Variants in CENPP observed in about 807,000 individuals in gnomAD.
The protein encoded by CENPP is centromere protein P.
CENPP carries 24 observed loss-of-function variants against 35.6 expected under a neutral mutation model. The observed-to-expected ratio is 0.67, with a 90% CI of 0.49 to 0.95. The LOEUF (loss-of-function observed/expected upper bound fraction) is 0.95. Among genes scored for constraint, CENPP ranks in the 40% least tolerant of loss-of-function variants. CENPP has a pLI of 0.00. For missense variants in CENPP, 332 were observed against 345.3 expected (o/e 0.96, Z 0.31); for synonymous variants, 120 against 125.5 (o/e 0.96, Z 0.29).
intron 4 of CENPP, among the ~76,000 whole-genome samples, chr9:92,365,214 A>G (rs1564280134): frequency 6.6e-6 from 1 of 152,082 alleles, no homozygotes; most frequent in African/African-American, 2.4e-5. Context: ...GAAAATAAAC[A>G]AGGATGGGCT....
chr9:92,418,385 C>T (rs1843685639), intron 5 of CENPP, among the ~76,000 whole-genome samples: 1 of 151,652 alleles, frequency 6.6e-6, no homozygotes, highest in African/African-American at 2.4e-5. Flanking sequence ...CTGCGCCTGG[C>T]CGAGATTTTT....
chr9:92,451,447 T>C (rs1266645617), intron 5 of CENPP, among the ~76,000 whole-genome samples: 2 of 149,198 alleles, frequency 1.3e-5, no homozygotes, highest in African/African-American at 4.9e-5. Flanking sequence ...TTCTGTTCCA[T>C]TGATCTATAT....
chr9:92,392,170 T>C (rs1220211617), intron 5 of CENPP, among the ~76,000 whole-genome samples: 1 of 152,098 alleles, frequency 6.6e-6, no homozygotes, highest in Non-Finnish European at 1.5e-5. Context: ...AAGTTCAAGA[T>C]TGATAATGAC....
At chr9:92,376,561 A>G (rs1317644448) in intron 4 of CENPP, among the ~76,000 whole-genome samples, 2 of 152,208 alleles carry the variant, frequency 1.3e-5, no homozygotes, top group African/African-American at 4.8e-5. Context: ...GGTTTTACAG[A>G]TGAGCTTGAG....
chr9:92,618,905 G>A lies in CENPP; in HGVS notation c.*5756G>A, dbSNP rs957821128. 5 of 311,108 alleles carry A rather than the reference G, an allele frequency of 1.6e-5. No individual in the cohort carries two copies. The highest frequency in any genetic ancestry group is 9.0e-5 in the Admixed American group (2 of 22,200). The allele number at this position is 311,108 out of a possible 1,614,324, so 19.3% of individuals were successfully genotyped here. A position where few individuals can be genotyped will look rare whatever the true frequency, so the allele number is the denominator to read the frequency against. Reference sequence around the variant, plus strand: ...GCAGGGTTTAGCACCCCTGAAGATCGGTGATGGAGATGCTGTCTAACGACT... The same window carrying A: ...GCAGGGTTTAGCACCCCTGAAGATCAGTGATGGAGATGCTGTCTAACGACT... On this transcript the variant is annotated 3_prime_UTR_variant, in exon 8 of 8. Transcript: ENST00000375587.
At chr9:92,512,178 A>G in intron 5 of CENPP, 1 of 1,189,890 alleles carries the variant, frequency 8.4e-7, no homozygotes. Flanking sequence ...ACATACATGT[A>G]CACACATGTA....
intron 4 of CENPP, among the ~76,000 whole-genome samples, chr9:92,372,927 C>G (rs1842043407): frequency 6.6e-6 from 1 of 151,676 alleles, no homozygotes; most frequent in Non-Finnish European, 1.5e-5. Context: ...TGAGGAAGAT[C>G]TTTTTGCATT....
In CENPP at chr9:92,349,550, C is replaced by T. The variant is rs111759364; in HGVS notation, c.467+3763C>T. On this transcript the variant is annotated intron_variant, in intron 4 of 7. Coordinates refer to ENST00000375587, the MANE Select transcript of CENPP (RefSeq NM_001012267.3). ...TCCCGAGTAGCTGGGATTATAGGCACGCACCACCACACCCAGCTAGTTTTT... is the reference window on the plus strand; with the variant it reads ...TCCCGAGTAGCTGGGATTATAGGCATGCACCACCACACCCAGCTAGTTTTT... Among the ~76,000 whole-genome samples, 814 of 151,678 alleles carry T rather than the reference C, an allele frequency of 5.4e-3. 8 individuals carry two copies. Among genetic ancestry groups the T allele is most frequent in the African/African-American group, 0.019 (766 of 41,350 alleles).
In CENPP at chr9:92,353,432, G is replaced by A. The variant is rs369929362; in HGVS notation, c.467+7645G>A. 9.5e-4 allele frequency among the ~76,000 whole-genome samples: 145 copies of A among 152,270 alleles called. 1 individual carries two copies. In the South Asian group the frequency reaches 0.023, roughly 25 times the overall value. ...GTAGTCCTGTTTGGATTGGGCTGTC[G>A]TAGTTTCCCATTAACCTTACTTACA... On this transcript the variant is annotated intron_variant, in intron 4 of 7. Coordinates refer to ENST00000375587, the MANE Select transcript of CENPP (RefSeq NM_001012267.3).
intron 5 of CENPP, chr9:92,600,547 G>A (rs747312614): frequency 1.2e-6 from 2 of 1,612,436 alleles, no homozygotes; most frequent in Non-Finnish European, 8.5e-7. Context: ...TGGGGCTGGG[G>A]CACATGGAGA....
intron 4 of CENPP, among the ~76,000 whole-genome samples, chr9:92,352,203 A>C (rs1018377753): frequency 6.7e-6 from 1 of 149,802 alleles, no homozygotes; most frequent in Non-Finnish European, 1.5e-5. Context: ...AACCCTGTCT[A>C]TACTAAAAAT....
At chr9:92,515,306 T>C in intron 5 of CENPP, 1 of 1,304,128 alleles carries the variant, frequency 7.7e-7, no homozygotes, top group Non-Finnish European at 9.7e-7. Context: ...TCCCTCCAAG[T>C]ATTTGAGTGC....
intron 4 of CENPP, among the ~76,000 whole-genome samples, chr9:92,371,734 TTC>T (rs1842008256): frequency 1.3e-5 from 2 of 152,186 alleles, no homozygotes; most frequent in South Asian, 4.1e-4. Context: ...TGCAATCTAG[TTC>T]TCTCTTTATA....
chr9:92,357,640 A>T (rs1275734288), intron 4 of CENPP, among the ~76,000 whole-genome samples: 1 of 151,808 alleles, frequency 6.6e-6, no homozygotes, highest in Non-Finnish European at 1.5e-5. Context: ...GATTACAGGC[A>T]TGCGCCACCA....
intron 4 of CENPP, among the ~76,000 whole-genome samples, chr9:92,378,052 A>T (rs547701616): frequency 6.6e-6 from 1 of 152,314 alleles, no homozygotes; most frequent in East Asian, 1.9e-4. Context: ...GCTGGTTGAG[A>T]TCAGAAATGA....
At chr9:92,567,425 GATTA>G (rs1391718986) in intron 5 of CENPP, among the ~76,000 whole-genome samples, 1 of 125,810 alleles carries the variant, frequency 7.9e-6, no homozygotes, top group Non-Finnish European at 1.8e-5. Context: ...TTAGTGATTA[GATTA>G]ATTAGCGTAT....
intron 5 of CENPP, among the ~76,000 whole-genome samples, chr9:92,422,517 TAA>T (rs1486518916): frequency 6.6e-6 from 1 of 152,088 alleles, no homozygotes; most frequent in East Asian, 1.9e-4. Flanking sequence ...TCTCTGAAAA[TAA>T]AGAGGTTTTT....
intron 5 of CENPP, among the ~76,000 whole-genome samples, chr9:92,448,481 G>T (rs1377806080): frequency 6.6e-6 from 1 of 151,862 alleles, no homozygotes; most frequent in Admixed American, 6.6e-5. Context: ...CATTTTGGCA[G>T]GCTGGTCTCG....
intron 5 of CENPP, among the ~76,000 whole-genome samples, chr9:92,526,187 C>T (rs570687875): frequency 3.9e-5 from 6 of 152,144 alleles, no homozygotes; most frequent in Non-Finnish European, 7.4e-5. Context: ...ATGATCCAGA[C>T]CCAATGAAGG....
Sources: allele counts gnomAD v4.1 joint callset (sites outside exome capture counted in the v4.1 genomes callset), GRCh38; gene constraint gnomAD v4.1.1; transcripts MANE v1.5; gene names NCBI Gene and HGNC (gene_info 2026-07-23, HGNC 2026-07-21).